Variants in MATCAP1 observed in about 807,000 individuals in gnomAD.
MATCAP1 encodes the protein microtubule associated tyrosine carboxypeptidase 1, also known as microtubule-associated tyrosine carboxypeptidase 1.
At chr16:67,179,632 C>T in the MATCAP1 span, 6 of 1,517,560 alleles carry the variant, frequency 4.0e-6, no homozygotes, top group Admixed American at 1.0e-4. The surrounding 1 kb of genome is among the most constrained non-coding windows in gnomAD (Gnocchi z 5.2). Context: ...CCAATGATGC[C>T]ACAGGGCAGC....
the MATCAP1 span, chr16:67,179,174 G>A: frequency 1.9e-5 from 25 of 1,309,202 alleles, no homozygotes; most frequent in Non-Finnish European, 2.4e-5. The surrounding 1 kb of genome is among the most constrained non-coding windows in gnomAD (Gnocchi z 5.2). Context: ...GGAGAAGTCG[G>A]AGAGGAAGTG....
At chr16:67,180,452 G>T in the MATCAP1 span, 2 of 1,608,588 alleles carry the variant, frequency 1.2e-6, no homozygotes, top group East Asian at 4.5e-5. Context: ...GCGCTGGGGG[G>T]ACTGCCAGAG....
the MATCAP1 span, chr16:67,179,782 CATGT>C: frequency 6.2e-7 from 1 of 1,611,824 alleles, no homozygotes; most frequent in East Asian, 2.2e-5. This position sits in a 1 kb window ranked among gnomAD's most constrained non-coding sequence, Gnocchi z 5.2. Context: ...TGATTTGGGG[CATGT>C]AGAGGAAGGG....
chr16:67,182,163 C>G, the MATCAP1 span, among the ~76,000 whole-genome samples: 2 of 151,456 alleles, frequency 1.3e-5, no homozygotes, highest in African/African-American at 4.9e-5. Flanking sequence ...GTAGGAGAAT[C>G]GCTTGAACCC....
the MATCAP1 span, chr16:67,179,974 C>T: frequency 3.7e-6 from 6 of 1,614,112 alleles, no homozygotes; most frequent in Admixed American, 1.7e-5. The surrounding 1 kb of genome is among the most constrained non-coding windows in gnomAD (Gnocchi z 5.2). Flanking sequence ...CACGGGGCCA[C>T]AGTGGCTGGT....
chr16:67,179,024 A>T, the MATCAP1 span: 1 of 949,766 alleles, frequency 1.1e-6, no homozygotes. This position sits in a 1 kb window ranked among gnomAD's most constrained non-coding sequence, Gnocchi z 5.2. Context: ...ACCAGGTGCC[A>T]TGTGTCCTCA....
the MATCAP1 span, chr16:67,179,695 C>G: frequency 1.3e-6 from 2 of 1,509,790 alleles, no homozygotes; most frequent in East Asian, 4.5e-5. This position sits in a 1 kb window ranked among gnomAD's most constrained non-coding sequence, Gnocchi z 5.2. Context: ...TGCTCAGAAC[C>G]AGCTCCCACC....
the MATCAP1 span, chr16:67,180,146 G>C: frequency 6.2e-7 from 1 of 1,614,246 alleles, no homozygotes; most frequent in Non-Finnish European, 8.5e-7. Context: ...GGGACTGGAA[G>C]AACTTGTCTC....
At chr16:67,176,143 T>C in the MATCAP1 span, 380 of 146,466 alleles carry the variant, frequency 2.6e-3, 12 homozygotes, top group Admixed American at 0.024. The surrounding 1 kb of genome is among the most constrained non-coding windows in gnomAD (Gnocchi z 4.3). Flanking sequence ...GCTGGGAAAA[T>C]TGGTGCCTTC....
chr16:67,180,229 C>A, the MATCAP1 span: 14 of 1,614,080 alleles, frequency 8.7e-6, no homozygotes, highest in South Asian at 1.4e-4. Context: ...TGGCCTGCAT[C>A]CCTTTGAGTC....
At chr16:67,178,874 C>T in the MATCAP1 span, 9 of 501,576 alleles carry the variant, frequency 1.8e-5, no homozygotes, top group Non-Finnish European at 2.6e-5. Flanking sequence ...CCCATATCAT[C>T]TTGAACAGTC....
At chr16:67,182,660 T>A in the MATCAP1 span, among the ~76,000 whole-genome samples, 1 of 152,222 alleles carries the variant, frequency 6.6e-6, no homozygotes, top group Non-Finnish European at 1.5e-5. Context: ...CACTTGAATG[T>A]TTAATAGGCA....
At chr16:67,181,431 C>T in the MATCAP1 span, 1 of 152,186 alleles carries the variant, frequency 6.6e-6, no homozygotes, top group African/African-American at 2.4e-5. Context: ...TCAGCAAATC[C>T]AAGCCAATCT....
chr16:67,178,148 A>G, the MATCAP1 span: 17 of 977,598 alleles, frequency 1.7e-5, no homozygotes, highest in Non-Finnish European at 2.3e-5. Flanking sequence ...CCCTCGCCCG[A>G]AGCCCCGCCC....
the MATCAP1 span, chr16:67,176,163 G>A: frequency 6.5e-6 from 1 of 152,902 alleles, no homozygotes; most frequent in South Asian, 2.0e-4. The surrounding 1 kb of genome is among the most constrained non-coding windows in gnomAD (Gnocchi z 4.3). Flanking sequence ...CCAAGAAGGA[G>A]TGTCCTGTCC....
At chr16:67,178,091 G>A in the MATCAP1 span, 3 of 1,613,804 alleles carry the variant, frequency 1.9e-6, no homozygotes, top group Non-Finnish European at 2.5e-6. Flanking sequence ...GGTACACCTG[G>A]TCCTTGCTGA....
the MATCAP1 span, chr16:67,179,274 G>A: frequency 3.4e-6 from 5 of 1,482,838 alleles, no homozygotes; most frequent in Non-Finnish European, 3.6e-6. This position sits in a 1 kb window ranked among gnomAD's most constrained non-coding sequence, Gnocchi z 5.2. Context: ...TGTAAGCAGA[G>A]GGCGGGAGGT....
the MATCAP1 span, chr16:67,179,310 A>G: frequency 1.3e-5 from 19 of 1,501,296 alleles, no homozygotes; most frequent in Non-Finnish European, 1.7e-5. The surrounding 1 kb of genome is among the most constrained non-coding windows in gnomAD (Gnocchi z 5.2). Flanking sequence ...GAAAGCCCCG[A>G]CCTCAGGAGG....
At chr16:67,182,991 C>T in the MATCAP1 span, among the ~76,000 whole-genome samples, 2 of 152,152 alleles carry the variant, frequency 1.3e-5, no homozygotes, top group Non-Finnish European at 2.9e-5. Context: ...AGTGCCTGGC[C>T]CGCAGCAATT....
Sources: allele counts gnomAD v4.1 joint callset (sites outside exome capture counted in the v4.1 genomes callset), GRCh38; gene constraint gnomAD v4.1.1; non-coding constraint Gnocchi (gnomAD v3.1); transcripts MANE v1.5; gene names NCBI Gene and HGNC (gene_info 2026-07-23, HGNC 2026-07-21).